The following FAM107B variants were observed in gnomAD, a reference collection of about 807,000 sequenced individuals.
FAM107B encodes protein FAM107B.
FAM107B carries 21 observed loss-of-function variants against 31.5 expected under a neutral mutation model. The observed-to-expected ratio is 0.67, with a 90% CI of 0.47 to 0.96. The LOEUF (loss-of-function observed/expected upper bound fraction) is 0.96. Among genes scored for constraint, FAM107B ranks in the 40% least tolerant of loss-of-function variants. The pLI is 0.00. For missense variants in FAM107B, 452 were observed against 377.1 expected, an observed-to-expected ratio of 1.20 and a Z score of -1.64; for synonymous variants, 157 against 141.5, an observed-to-expected ratio of 1.11 and a Z score of -0.78.
intron 1 of FAM107B, among the ~76,000 whole-genome samples, chr10:14,689,146 A>G (rs945259291): frequency 5.3e-5 from 8 of 152,068 alleles, no homozygotes; most frequent in African/African-American, 1.9e-4. Context: ...CACACCTGTA[A>G]TGGTGGACAG....
chr10:14,641,976 TG>T (rs1309394936), intron 2 of FAM107B, among the ~76,000 whole-genome samples: 2 of 152,250 alleles, frequency 1.3e-5, no homozygotes, highest in African/African-American at 4.8e-5. Flanking sequence ...GAGTGAAATT[TG>T]AGGTACAATT....
At chr10:14,656,944 A>C (rs1854074469) in intron 2 of FAM107B, among the ~76,000 whole-genome samples, 1 of 152,142 alleles carries the variant, frequency 6.6e-6, no homozygotes, top group Non-Finnish European at 1.5e-5. Context: ...TGGATGGAGA[A>C]GAATAGGTCA....
At chr10:14,656,093 G>A (rs555717617) in intron 2 of FAM107B, among the ~76,000 whole-genome samples, 1 of 152,298 alleles carries the variant, frequency 6.6e-6, no homozygotes, top group East Asian at 1.9e-4. Context: ...CTTCCATAAA[G>A]CGCTGTGCAG....
chr10:14,707,662 G>C (rs1260470650), intron 1 of FAM107B, among the ~76,000 whole-genome samples: 2 of 152,182 alleles, frequency 1.3e-5, no homozygotes, highest in East Asian at 3.9e-4. Flanking sequence ...ATAGATTAAG[G>C]AGCCACATGG....
intron 2 of FAM107B, among the ~76,000 whole-genome samples, chr10:14,545,420 T>TTA (rs1848605367): frequency 6.6e-6 from 1 of 152,194 alleles, no homozygotes; most frequent in Non-Finnish European, 1.5e-5. Flanking sequence ...TCCCCATTAA[T>TTA]ATATCTCTTG....
intron 2 of FAM107B, among the ~76,000 whole-genome samples, chr10:14,592,136 A>G (rs1289442492): frequency 6.6e-6 from 1 of 152,222 alleles, no homozygotes; most frequent in Non-Finnish European, 1.5e-5. Context: ...ATCCCGTGCC[A>G]TCTGATTTCC....
chr10:14,538,315 T>C (rs1847848785), intron 2 of FAM107B, among the ~76,000 whole-genome samples: 1 of 152,214 alleles, frequency 6.6e-6, no homozygotes, highest in African/African-American at 2.4e-5. Flanking sequence ...GCAACTCAAA[T>C]GTCCACTAAC....
intron 1 of FAM107B, among the ~76,000 whole-genome samples, chr10:14,715,448 T>C: frequency 6.6e-6 from 1 of 152,210 alleles, no homozygotes; most frequent in East Asian, 1.9e-4. Flanking sequence ...TTATCTATCA[T>C]TATATAATAG....
At chr10:14,548,598 A>T in intron 2 of FAM107B, 1 of 985,420 alleles carries the variant, frequency 1.0e-6, no homozygotes, top group Non-Finnish European at 1.2e-6. Context: ...GGAAGAAGGG[A>T]AGGCAGAGAC....
At chr10:14,597,933 G>C (rs910144233) in intron 2 of FAM107B, among the ~76,000 whole-genome samples, 1 of 152,152 alleles carries the variant, frequency 6.6e-6, no homozygotes, top group Admixed American at 6.5e-5. Context: ...CTGGGTGACA[G>C]AGTGAGACTC....
At chr10:14,747,260 T>G (rs1229149237) in intron 1 of FAM107B, among the ~76,000 whole-genome samples, 1 of 152,190 alleles carries the variant, frequency 6.6e-6, no homozygotes, top group Non-Finnish European at 1.5e-5. Context: ...CTCAGCAAAG[T>G]TCATTATTAC....
chr10:14,682,187 G>A (rs941945848), intron 1 of FAM107B, among the ~76,000 whole-genome samples: 5 of 152,144 alleles, frequency 3.3e-5, no homozygotes, highest in Non-Finnish European at 4.4e-5. Context: ...CTACATTGCC[G>A]AACAGTATGC....
intron 2 of FAM107B, among the ~76,000 whole-genome samples, chr10:14,560,667 G>A (rs568893971): frequency 6.6e-6 from 1 of 152,268 alleles, no homozygotes; most frequent in East Asian, 1.9e-4. Flanking sequence ...ACTGTTTTAG[G>A]CCCATGGATT....
intron 1 of FAM107B, among the ~76,000 whole-genome samples, chr10:14,756,864 C>T (rs1237868672): frequency 6.6e-6 from 1 of 152,166 alleles, no homozygotes; most frequent in African/African-American, 2.4e-5. Flanking sequence ...TTTGCAGGGA[C>T]ATGGATGGAA....
At chr10:14,663,129 G>A (rs1388628430) in intron 2 of FAM107B, among the ~76,000 whole-genome samples, 1 of 152,216 alleles carries the variant, frequency 6.6e-6, no homozygotes, top group Non-Finnish European at 1.5e-5. Context: ...TTTGCCAGGG[G>A]CTCCCAGGCC....
intron 2 of FAM107B, among the ~76,000 whole-genome samples, chr10:14,637,634 C>T (rs1033915180): frequency 1.3e-5 from 2 of 152,048 alleles, no homozygotes; most frequent in Non-Finnish European, 2.9e-5. Flanking sequence ...ACAGCAAGAC[C>T]CTGTCTCAAA....
intron 1 of FAM107B, among the ~76,000 whole-genome samples, chr10:14,697,894 G>A (rs1564629384): frequency 6.6e-6 from 1 of 152,206 alleles, no homozygotes; most frequent in Non-Finnish European, 1.5e-5. Context: ...GGAGGCCAAG[G>A]CAGGTGGATA....
At chr10:14,700,827 CAAA>C (rs1159035034) in intron 1 of FAM107B, among the ~76,000 whole-genome samples, 33,518 of 75,260 alleles carry the variant, frequency 0.45, 7,557 homozygotes, top group Non-Finnish European at 0.52. Flanking sequence ...TGGCAAGAGG[CAAA>C]AAAAAAAAAA....
chr10:14,607,183 A>G (rs1472537323), intron 2 of FAM107B, among the ~76,000 whole-genome samples: 1 of 152,234 alleles, frequency 6.6e-6, no homozygotes, highest in Non-Finnish European at 1.5e-5. Context: ...AAATGCCTAC[A>G]GGCTCAAAGT....
Sources: allele counts gnomAD v4.1 joint callset (sites outside exome capture counted in the v4.1 genomes callset), GRCh38; gene constraint gnomAD v4.1.1; transcripts MANE v1.5; gene names NCBI Gene and HGNC (gene_info 2026-07-23, HGNC 2026-07-21).